CNTN1: variants seen among roughly 807,000 people sequenced by gnomAD.
CNTN1 encodes the protein contactin 1.
Under a neutral mutation model 126.4 loss-of-function variants are expected in CNTN1, and 38 were observed. The observed-to-expected ratio is 0.30, with a 90% confidence interval of 0.23 to 0.39. The LOEUF (loss-of-function observed/expected upper bound fraction) is 0.39. Among genes scored for constraint, CNTN1 ranks in the 10% least tolerant of loss-of-function variants. The probability of loss-of-function intolerance (pLI) is 1.00; values close to 1 mark genes in which losing one functional copy is unlikely to be tolerated. For missense variants in CNTN1, 1,009 were observed against 1,248.4 expected (o/e 0.81, Z 2.89); for synonymous variants, 413 against 422.6 (o/e 0.98, Z 0.28).
At chr12:40,817,475 C>CTTTTT (rs758574869) in intron 1 of CNTN1, among the ~76,000 whole-genome samples, 1 of 40,704 alleles carries the variant, frequency 2.5e-5, no homozygotes, top group African/African-American at 1.1e-4. Flanking sequence ...GCAACCCCTG[C>CTTTTT]TTTTTTTTTT....
intron 14 of CNTN1, among the ~76,000 whole-genome samples, chr12:40,954,867 G>A (rs575071601): frequency 6.6e-6 from 1 of 152,106 alleles, no homozygotes; most frequent in Non-Finnish European, 1.5e-5. Flanking sequence ...GTGACAGTAT[G>A]CTTGAAGTAC....
intron 17 of CNTN1, among the ~76,000 whole-genome samples, chr12:41,001,372 CAT>C (rs1948356541): frequency 6.6e-6 from 1 of 152,090 alleles, no homozygotes; most frequent in Non-Finnish European, 1.5e-5. Context: ...GAGCTTTTTT[CAT>C]ATGATTGTTG....
intron 1 of CNTN1, among the ~76,000 whole-genome samples, chr12:40,771,667 G>A (rs1415510057): frequency 1.3e-5 from 2 of 151,848 alleles, no homozygotes; most frequent in Non-Finnish European, 2.9e-5. Flanking sequence ...AGCACAATAG[G>A]CACCTATAAG....
At chr12:40,823,075 C>A (rs1178465954) in intron 1 of CNTN1, among the ~76,000 whole-genome samples, 1 of 152,068 alleles carries the variant, frequency 6.6e-6, no homozygotes, top group African/African-American at 2.4e-5. Flanking sequence ...TGTATGTATA[C>A]ACACAAACAT....
At chr12:40,992,856 TA>T (rs1254991311) in intron 16 of CNTN1, among the ~76,000 whole-genome samples, 4 of 152,186 alleles carry the variant, frequency 2.6e-5, no homozygotes, top group Non-Finnish European at 4.4e-5. Context: ...GGAGGCTTGT[TA>T]GACATGCAGA....
At chr12:40,902,491 T>C (rs2136777561) in intron 1 of CNTN1, among the ~76,000 whole-genome samples, 1 of 152,300 alleles carries the variant, frequency 6.6e-6, no homozygotes, top group East Asian at 1.9e-4. Flanking sequence ...AGGTTAAATA[T>C]TTTTTTAAAA....
chr12:40,755,175 A>G (rs1938550120), intron 1 of CNTN1, among the ~76,000 whole-genome samples: 1 of 133,464 alleles, frequency 7.5e-6, no homozygotes, highest in African/African-American at 2.9e-5. Flanking sequence ...AGGGCAACAG[A>G]GTGAGACCCC....
intron 1 of CNTN1, among the ~76,000 whole-genome samples, chr12:40,795,052 C>G (rs1324087969): frequency 6.6e-6 from 1 of 152,002 alleles, no homozygotes; most frequent in African/African-American, 2.4e-5. Context: ...GTAGATTTCC[C>G]TCCACAATGT....
At chr12:40,895,323 A>G (rs1944372709) in intron 1 of CNTN1, among the ~76,000 whole-genome samples, 1 of 152,338 alleles carries the variant, frequency 6.6e-6, no homozygotes, top group South Asian at 2.1e-4. Context: ...CAATTTTATC[A>G]GTCCATTTTC....
intron 15 of CNTN1, among the ~76,000 whole-genome samples, chr12:40,973,606 A>C (rs944915151): frequency 6.6e-5 from 10 of 152,162 alleles, no homozygotes; most frequent in Non-Finnish European, 1.0e-4. Context: ...GGGAATTACC[A>C]GTGGAAAAAA....
chr12:40,877,326 T>C (rs966291750), intron 1 of CNTN1, among the ~76,000 whole-genome samples: 60 of 152,164 alleles, frequency 3.9e-4, no homozygotes, highest in African/African-American at 1.4e-3. Flanking sequence ...AACAGACTCA[T>C]GGCATAGGTC....
intron 1 of CNTN1, among the ~76,000 whole-genome samples, chr12:40,724,391 A>T (rs1475180284): frequency 1.3e-5 from 2 of 152,210 alleles, no homozygotes; most frequent in Non-Finnish European, 2.9e-5. Context: ...TTCAACAGAG[A>T]AAAAGAAAAC....
intron 6 of CNTN1, among the ~76,000 whole-genome samples, chr12:40,925,948 T>A (rs1945669055): frequency 6.7e-6 from 1 of 150,322 alleles, no homozygotes; most frequent in African/African-American, 2.4e-5. Context: ...AGTGACTACA[T>A]TTGACCATAT....
At chr12:40,870,569 A>G (rs1386072758) in intron 1 of CNTN1, among the ~76,000 whole-genome samples, 1 of 152,176 alleles carries the variant, frequency 6.6e-6, no homozygotes, top group African/African-American at 2.4e-5. Context: ...AGTCCTGGGC[A>G]GCACTTTCTG....
chr12:40,717,261 C>T (rs948942027), intron 1 of CNTN1, among the ~76,000 whole-genome samples: 14 of 152,102 alleles, frequency 9.2e-5, no homozygotes, highest in African/African-American at 3.4e-4. Context: ...AGTTGAACCT[C>T]TGTATAGAAG....
intron 1 of CNTN1, among the ~76,000 whole-genome samples, chr12:40,738,829 G>A (rs951682593): frequency 2.6e-5 from 4 of 152,038 alleles, no homozygotes; most frequent in Non-Finnish European, 4.4e-5. Context: ...GCATAGCAGT[G>A]GAGAGTTGTA....
chr12:40,832,623 A>G (rs1388022042), intron 1 of CNTN1, among the ~76,000 whole-genome samples: 3 of 152,196 alleles, frequency 2.0e-5, no homozygotes, highest in Non-Finnish European at 4.4e-5. Flanking sequence ...TAAGTGATGC[A>G]TAACTGTATT....
chr12:40,994,475 T>G (rs1948165480), intron 17 of CNTN1, among the ~76,000 whole-genome samples: 1 of 152,174 alleles, frequency 6.6e-6, no homozygotes, highest in Admixed American at 6.5e-5. Flanking sequence ...ATACATGATC[T>G]GTCAGTATAA....
chr12:41,005,326 A>G, intron 17 of CNTN1, among the ~76,000 whole-genome samples: 1 of 152,096 alleles, frequency 6.6e-6, no homozygotes, highest in East Asian at 1.9e-4. Flanking sequence ...CTTCCTTTGT[A>G]GTTGATCTGA....
Sources: allele counts gnomAD v4.1 joint callset (sites outside exome capture counted in the v4.1 genomes callset), GRCh38; gene constraint gnomAD v4.1.1; transcripts MANE v1.5; gene names NCBI Gene and HGNC (gene_info 2026-07-23, HGNC 2026-07-21).